GRM8: variants seen among roughly 807,000 people sequenced by gnomAD.
GRM8 encodes glutamate metabotropic receptor 8.
Under a neutral mutation model 87.2 loss-of-function variants are expected in GRM8, and 47 were observed. The ratio of observed to expected loss-of-function variants is 0.54; its 90% confidence interval spans 0.43 to 0.69. GRM8 has a LOEUF of 0.69. GRM8 is among the 30% of genes least tolerant of loss of function. The pLI is 0.00. For synonymous variants in GRM8, 396 were observed against 404.5 expected, an observed-to-expected ratio of 0.98 and a Z score of 0.25; for missense variants, 1,019 against 1,139.2, an observed-to-expected ratio of 0.89 and a Z score of 1.52.
intron 9 of GRM8, among the ~76,000 whole-genome samples, chr7:126,483,083 T>C (rs1181892375): frequency 6.8e-6 from 1 of 148,104 alleles, no homozygotes; most frequent in East Asian, 2.0e-4. Flanking sequence ...GTTACATATA[T>C]AACTATATTT....
chr7:126,475,507 G>C (rs1304417066), intron 9 of GRM8, among the ~76,000 whole-genome samples: 1 of 151,838 alleles, frequency 6.6e-6, no homozygotes, highest in African/African-American at 2.4e-5. Context: ...TCATGAATTG[G>C]AATAATTAAT....
rs537301965 is a variant in GRM8, at chr7:127,102,559, C to T, written c.727+3937G>A. Among the ~76,000 whole-genome samples the T allele has an allele frequency of 9.2e-5, 14 of 152,168 alleles. No homozygotes were observed. The South Asian group carries it at 2.9e-3, about 31-fold the overall frequency. ...AGCTCTAGCCTTGGCTCAGAGGGCC[C>T]CAGATATTGCTCATGCCACTGCTCT... On this transcript the variant is annotated intron_variant, in intron 3 of 10. Transcript: ENST00000339582.
intron 8 of GRM8, among the ~76,000 whole-genome samples, chr7:126,595,409 T>TTA (rs1254364531): frequency 8.4e-6 from 1 of 119,658 alleles, no homozygotes; most frequent in Non-Finnish European, 1.9e-5. Flanking sequence ...TTTTATTTTA[T>TTA]TTTATTTTAT....
At chr7:126,820,274 A>C (rs1794177351) in intron 6 of GRM8, among the ~76,000 whole-genome samples, 1 of 152,236 alleles carries the variant, frequency 6.6e-6, no homozygotes. Flanking sequence ...TCCTCAAAAA[A>C]TTATCTTTTG....
At chr7:126,860,290 C>T (rs1002727034) in intron 6 of GRM8, among the ~76,000 whole-genome samples, 1 of 152,128 alleles carries the variant, frequency 6.6e-6, no homozygotes, top group African/African-American at 2.4e-5. Context: ...TGTTGCTCTT[C>T]CCTTTGCTAC....
At chr7:126,785,273 T>C (rs144100607) in intron 6 of GRM8, among the ~76,000 whole-genome samples, 21 of 152,312 alleles carry the variant, frequency 1.4e-4, no homozygotes, top group African/African-American at 3.8e-4. Context: ...TGGAGTAATC[T>C]GGTAAAACAC....
intron 7 of GRM8, among the ~76,000 whole-genome samples, chr7:126,654,880 G>A (rs1804325163): frequency 6.6e-6 from 1 of 152,114 alleles, no homozygotes; most frequent in Non-Finnish European, 1.5e-5. Context: ...TTTAAAACAG[G>A]AGTGAAAATT....
intron 3 of GRM8, among the ~76,000 whole-genome samples, chr7:127,104,179 T>C (rs1825593168): frequency 1.3e-5 from 2 of 152,114 alleles, no homozygotes; most frequent in Non-Finnish European, 2.9e-5. Context: ...GAAAACATTA[T>C]GAGTTGGGGA....
intron 3 of GRM8, among the ~76,000 whole-genome samples, chr7:126,916,628 C>T (rs1803932655): frequency 2.0e-5 from 3 of 152,194 alleles, no homozygotes. Context: ...CCGAATTCTG[C>T]AATGTATTAG....
chr7:127,085,189 C>T (rs1056167072), intron 3 of GRM8, among the ~76,000 whole-genome samples: 1 of 152,326 alleles, frequency 6.6e-6, no homozygotes, highest in South Asian at 2.1e-4. Context: ...ATATGTGCCA[C>T]ATTTTCTTAA....
At chr7:126,832,327 G>C (rs1337239458) in intron 6 of GRM8, among the ~76,000 whole-genome samples, 1 of 151,988 alleles carries the variant, frequency 6.6e-6, no homozygotes, top group African/African-American at 2.4e-5. Context: ...ATAAAGCTAG[G>C]AATGTGCACT....
At chr7:126,545,453 T>C (rs1371939189) in intron 8 of GRM8, among the ~76,000 whole-genome samples, 1 of 152,234 alleles carries the variant, frequency 6.6e-6, no homozygotes, top group Non-Finnish European at 1.5e-5. Flanking sequence ...TTCATGTTTA[T>C]ATTATAGATG....
chr7:127,117,982 G>A lies in GRM8; in HGVS notation c.511-11270C>T, dbSNP rs188499267. Among the ~76,000 whole-genome samples, 90 of 152,340 alleles carry A rather than the reference G, an allele frequency of 5.9e-4. No individual in the cohort carries two copies. In the East Asian group the frequency reaches 0.014, roughly 24 times the overall value. Reference sequence around the variant, plus strand: ...AATAAAGAAGAATGTTGATAAGGACGTTTATGCAAGTAAGTTTCCTGGCTG... The same window carrying A: ...AATAAAGAAGAATGTTGATAAGGACATTTATGCAAGTAAGTTTCCTGGCTG... On this transcript the variant is annotated intron_variant, in intron 2 of 10. Transcript: ENST00000339582.
intron 3 of GRM8, among the ~76,000 whole-genome samples, chr7:126,977,313 C>A (rs562426153): frequency 1.3e-5 from 2 of 152,166 alleles, no homozygotes; most frequent in Non-Finnish European, 1.5e-5. Context: ...GGCAAAGCAA[C>A]TTGTTATGTT....
At chr7:126,501,382 T>C (rs1307686220) in intron 9 of GRM8, among the ~76,000 whole-genome samples, 1 of 151,972 alleles carries the variant, frequency 6.6e-6, no homozygotes, top group Non-Finnish European at 1.5e-5. Flanking sequence ...GGGAAACAAA[T>C]GTGTTCATCA....
intron 7 of GRM8, among the ~76,000 whole-genome samples, chr7:126,659,794 T>C (rs1169474679): frequency 6.6e-6 from 1 of 152,248 alleles, no homozygotes; most frequent in African/African-American, 2.4e-5. Context: ...TGTGGATTGA[T>C]ATCCTTGATT....
chr7:127,032,112 T>G (rs535185214), intron 3 of GRM8, among the ~76,000 whole-genome samples: 1 of 152,306 alleles, frequency 6.6e-6, no homozygotes, highest in East Asian at 1.9e-4. Context: ...CATGTCCAAG[T>G]GGTGAACCTA....
chr7:126,966,319 G>A (rs1444732659), intron 3 of GRM8, among the ~76,000 whole-genome samples: 1 of 152,066 alleles, frequency 6.6e-6, no homozygotes, highest in Non-Finnish European at 1.5e-5. Flanking sequence ...ATTTTTAGTA[G>A]AGATGGGGCC....
intron 3 of GRM8, among the ~76,000 whole-genome samples, chr7:126,929,810 A>C (rs956246025): frequency 3.3e-4 from 51 of 152,266 alleles, no homozygotes; most frequent in African/African-American, 1.2e-3. Context: ...GAATGAGTAC[A>C]GAGAAGAATT....
Sources: allele counts gnomAD v4.1 joint callset (sites outside exome capture counted in the v4.1 genomes callset), GRCh38; gene constraint gnomAD v4.1.1; transcripts MANE v1.5; gene names NCBI Gene and HGNC (gene_info 2026-07-23, HGNC 2026-07-21).